Variants in ZBTB38 observed in about 807,000 individuals in gnomAD.
ZBTB38 encodes the protein zinc finger and BTB domain containing 38.
In ZBTB38, 20 loss-of-function variants were observed where a neutral mutation model predicts 76.8. The observed-to-expected ratio is 0.26, with a 90% CI of 0.18 to 0.38. ZBTB38 has a LOEUF of 0.38. Ranked by LOEUF, ZBTB38 falls within the 10% of genes least tolerant of loss-of-function variation. The pLI, the probability that ZBTB38 is intolerant of heterozygous loss-of-function variation, is 1.00. For missense variants in ZBTB38, 1,082 were observed against 1,482.3 expected, an observed-to-expected ratio of 0.73 and a Z score of 4.43; for synonymous variants, 504 against 544.2, an observed-to-expected ratio of 0.93 and a Z score of 1.03.
chr3:141,418,840 TAAAC>T (rs2074692573), intron 5 of ZBTB38, among the ~76,000 whole-genome samples: 1 of 152,180 alleles, frequency 6.6e-6, no homozygotes, highest in Admixed American at 6.5e-5. Context: ...AAGAACAAGT[TAAAC>T]AAAATACTGT....
intron 4 of ZBTB38, among the ~76,000 whole-genome samples, chr3:141,401,828 A>T (rs1268152969): frequency 6.6e-6 from 1 of 152,194 alleles, no homozygotes; most frequent in Non-Finnish European, 1.5e-5. Context: ...AAAGAAGAGG[A>T]CTGGGTCTTT....
intron 4 of ZBTB38, chr3:141,387,728 G>A (rs1453727661): frequency 6.6e-6 from 1 of 152,224 alleles, no homozygotes; most frequent in African/African-American, 2.4e-5. Flanking sequence ...TGTGATCACA[G>A]TTCATTCAAG....
chr3:141,394,345 T>C (rs931098353), intron 4 of ZBTB38: 3 of 152,322 alleles, frequency 2.0e-5, no homozygotes, highest in African/African-American at 7.2e-5. Flanking sequence ...CCAAGTCTCC[T>C]ATTCTACATG....
chr3:141,376,543 C>A (rs1945376263), intron 2 of ZBTB38, among the ~76,000 whole-genome samples: 1 of 152,182 alleles, frequency 6.6e-6, no homozygotes, highest in African/African-American at 2.4e-5. Context: ...TCCCTTGAAC[C>A]AGAGGTACCT....
At chr3:141,363,834 T>C (rs968149196), upstream of ZBTB38, among the ~76,000 whole-genome samples, 3 of 152,194 alleles carry the variant, frequency 2.0e-5, no homozygotes, top group African/African-American at 7.2e-5. Context: ...ACTTAAAGTG[T>C]ATCATAGATC....
At chr3:141,427,217 C>T (rs1356784045) in intron 5 of ZBTB38, among the ~76,000 whole-genome samples, 1 of 152,128 alleles carries the variant, frequency 6.6e-6, no homozygotes, top group African/African-American at 2.4e-5. Flanking sequence ...GGGCTGAGTG[C>T]TAGGAAAACT....
chr3:141,332,756 A>T (rs536025954), intron 1 of ZBTB38, among the ~76,000 whole-genome samples: 11 of 152,308 alleles, frequency 7.2e-5, no homozygotes, highest in Admixed American at 2.6e-4. Flanking sequence ...CTCTGCTTAT[A>T]TATCTTCTGT....
intron 4 of ZBTB38, chr3:141,389,111 T>A (rs1459710917): frequency 6.6e-6 from 1 of 152,148 alleles, no homozygotes; most frequent in East Asian, 1.9e-4. Context: ...ACCCTGAACC[T>A]TTGTGGAAAT....
intron 1 of ZBTB38, among the ~76,000 whole-genome samples, chr3:141,340,996 G>GAGAAAGAAGA (rs1453232866): frequency 2.1e-4 from 19 of 91,894 alleles, no homozygotes; most frequent in South Asian, 7.4e-4. Context: ...GAAAGAGAAA[G>GAGAAAGAAGA]AAGAAAGAAA....
chr3:141,416,250 A>T (rs973896698), intron 5 of ZBTB38, among the ~76,000 whole-genome samples: 4 of 152,210 alleles, frequency 2.6e-5, no homozygotes, highest in Non-Finnish European at 5.9e-5. Context: ...TCTAGTTTAA[A>T]AATGAATTAA....
chr3:141,432,935 A>T (rs943440248), intron 5 of ZBTB38, among the ~76,000 whole-genome samples: 2 of 152,230 alleles, frequency 1.3e-5, no homozygotes, highest in Admixed American at 1.3e-4. Context: ...AAGCAATGAT[A>T]GATTGATTGT....
intron 1 of ZBTB38, among the ~76,000 whole-genome samples, chr3:141,338,008 A>C (rs1247720226): frequency 6.6e-6 from 1 of 152,218 alleles, no homozygotes; most frequent in East Asian, 1.9e-4. Context: ...ATCAGTAAAC[A>C]AGGTAGTAAA....
At chr3:141,421,133 T>G (rs779104961) in intron 5 of ZBTB38, among the ~76,000 whole-genome samples, 2 of 152,090 alleles carry the variant, frequency 1.3e-5, no homozygotes, top group Non-Finnish European at 2.9e-5. Flanking sequence ...CTCCATGATA[T>G]GTATAGTAGT....
chr3:141,329,857 G>C (rs565816045), intron 1 of ZBTB38, among the ~76,000 whole-genome samples: 3 of 151,978 alleles, frequency 2.0e-5, no homozygotes, highest in Admixed American at 2.0e-4. Context: ...GGTGAGGCAC[G>C]GTGGCTCACG....
At chr3:141,433,819 AT>A (rs1027813569) in intron 5 of ZBTB38, among the ~76,000 whole-genome samples, 2 of 152,212 alleles carry the variant, frequency 1.3e-5, no homozygotes, top group Non-Finnish European at 2.9e-5. Flanking sequence ...AAGGGAAGGA[AT>A]TTTTTAATAG....
intron 5 of ZBTB38, among the ~76,000 whole-genome samples, chr3:141,415,893 A>C (rs1015724378): frequency 6.6e-6 from 1 of 152,200 alleles, no homozygotes; most frequent in African/African-American, 2.4e-5. Context: ...CCAAGCAGGG[A>C]AGGTCCTATT....
At chr3:141,340,949 G>GGAAAGAAAGAAAGAAAGAAA (rs56095613) in intron 1 of ZBTB38, among the ~76,000 whole-genome samples, 3,966 of 111,894 alleles carry the variant, frequency 0.035, 103 homozygotes, top group South Asian at 0.066. Flanking sequence ...AAAGAAAGAA[G>GGAAAGAAAGAAAGAAAGAAA]GAAAGAAAGA....
At chr3:141,402,571 A>C (rs1036887774) in intron 4 of ZBTB38, 2 of 148,444 alleles carry the variant, frequency 1.3e-5, no homozygotes, top group Non-Finnish European at 3.0e-5. Flanking sequence ...GGGAGCCGGG[A>C]AGCCGGGCTG....
rs777628414 is a variant in ZBTB38, at chr3:141,444,759, G to A, written c.2371G>A (p.Glu791Lys). The A allele has an allele frequency of 1.9e-6, 3 of 1,614,140 alleles. No individual in the cohort carries two copies. In the South Asian group the frequency reaches 3.3e-5, roughly 18 times the overall value. ...ACATACCAGGGGAGAAATACCGGAG[G>A]AGTCAAACTATGTTGCTGATCCTGG... ...TSHTRGEIPE[E>K]SNYVADPGGS... The change falls in exon 6 of 6, where the codon GAG (glutamate) becomes AAG (lysine). Residue 791 changes from glutamate (E) to lysine (K), a missense_variant. Physicochemically the swap from Glu to Lys is moderately conservative, Grantham distance 56. Around this residue, in one of 8 missense-constraint regions of ZBTB38, gnomAD observed 471 missense variants for 581.0 expected, o/e 0.81. Coordinates refer to ENST00000321464, the MANE Select transcript of ZBTB38 (RefSeq NM_001376113.1). This position sits in a 1 kb window ranked among gnomAD's most constrained non-coding sequence, Gnocchi z 5.1.
Sources: allele counts gnomAD v4.1 joint callset (sites outside exome capture counted in the v4.1 genomes callset), GRCh38; gene constraint gnomAD v4.1.1; regional missense constraint gnomAD v4.1.1; non-coding constraint Gnocchi (gnomAD v3.1); transcripts MANE v1.5; gene names NCBI Gene and HGNC (gene_info 2026-07-23, HGNC 2026-07-21).